Variants in ANKS3 observed in about 807,000 individuals in gnomAD.
ANKS3 encodes ankyrin repeat and sterile alpha motif domain containing 3, also known as ankyrin repeat and SAM domain-containing protein 3.
In ANKS3, 62 loss-of-function variants were observed where a neutral mutation model predicts 80.7. The ratio of observed to expected loss-of-function variants is 0.77; its 90% CI spans 0.63 to 0.95. The LOEUF is 0.95. Ranked by LOEUF, ANKS3 falls within the 40% of genes least tolerant of loss-of-function variation. The pLI is 0.00. For synonymous variants in ANKS3, 489 were observed against 355.3 expected (o/e 1.38, Z -4.23); for missense variants, 1,150 against 883.6 (o/e 1.30, Z -3.82).
intron 1 of ANKS3, among the ~76,000 whole-genome samples, chr16:4,731,986 C>T (rs1027452632): frequency 1.3e-5 from 2 of 152,132 alleles, no homozygotes; most frequent in Non-Finnish European, 2.9e-5. Context: ...CCTACAGGTG[C>T]TATGGTAGTT....
At chr16:4,700,668 T>C (rs779446343) in intron 11 of ANKS3, 33 of 483,272 alleles carry the variant, frequency 6.8e-5, no homozygotes, top group Non-Finnish European at 1.0e-4. Flanking sequence ...CTTGTCAGAC[T>C]CCTGCAGGCA....
intron 6 of ANKS3, among the ~76,000 whole-genome samples, chr16:4,724,234 G>C (rs1055244380): frequency 6.6e-6 from 1 of 152,280 alleles, no homozygotes. Context: ...GATTGTACAC[G>C]GAATACTGTA....
intron 6 of ANKS3, among the ~76,000 whole-genome samples, chr16:4,723,570 G>A (rs915774648): frequency 1.3e-5 from 2 of 152,170 alleles, no homozygotes; most frequent in African/African-American, 4.8e-5. Context: ...TTACCGGCGT[G>A]CGCCACCGCA....
chr16:4,704,718 C>A (rs564720137), intron 8 of ANKS3, among the ~76,000 whole-genome samples: 2 of 152,244 alleles, frequency 1.3e-5, no homozygotes, highest in Non-Finnish European at 2.9e-5. Context: ...CCCGACCCAG[C>A]TGGTATGGGC....
chr16:4,697,461 C>G, intron 15 of ANKS3, 45 bp from the exon 16 acceptor site: 1 of 1,450,202 alleles, frequency 6.9e-7, no homozygotes, highest in South Asian at 1.2e-5. Flanking sequence ...GGTCTGCGTC[C>G]CCACAGGCCC....
chr16:4,699,489 G>C (rs2079780344), intron 11 of ANKS3: 1 of 367,522 alleles, frequency 2.7e-6, no homozygotes, highest in East Asian at 5.4e-5. Context: ...TGCTTTGTAG[G>C]CGGAGAGCGC....
At position 4,714,031 on chromosome 16, in the gene ANKS3, C is replaced by A. The variant is rs746420614; in HGVS notation, c.709+20G>T. On this transcript the variant is annotated intron_variant, in intron 7 of 17. Transcript: ENST00000304283. ...GGCAACCAGAGACCCCAGCAGGGCG[C>A]GGCTGGCAGGTGTGGGTACCTGGGC... The A allele has an allele frequency of 1.2e-6, 2 of 1,613,126 alleles. No individual in the cohort carries two copies. Among genetic ancestry groups the A allele is most frequent in the Non-Finnish European group, 1.7e-6 (2 of 1,179,562 alleles).
intron 9 of ANKS3, 149 bp downstream of exon 9, chr16:4,701,953 A>C: frequency 9.9e-7 from 1 of 1,012,008 alleles, no homozygotes; most frequent in Non-Finnish European, 1.4e-6. Context: ...CATTCCTCAC[A>C]AGAACCAGGG....
intron 6 of ANKS3, among the ~76,000 whole-genome samples, 178 bp downstream of exon 6, chr16:4,724,572 T>C (rs2081261444): frequency 6.6e-6 from 1 of 152,236 alleles, no homozygotes; most frequent in Non-Finnish European, 1.5e-5. Context: ...CTCACCACTG[T>C]ATCCTTAATG....
At chr16:4,713,205 T>C (rs868384987) in intron 7 of ANKS3, among the ~76,000 whole-genome samples, 3 of 151,770 alleles carry the variant, frequency 2.0e-5, no homozygotes, top group African/African-American at 7.3e-5. Context: ...GAGGAAGAGG[T>C]TGCGGTGAGG....
chr16:4,721,034 G>A (rs1434926395), intron 6 of ANKS3, among the ~76,000 whole-genome samples: 2 of 149,634 alleles, frequency 1.3e-5, no homozygotes, highest in Admixed American at 6.7e-5. Context: ...GGCCAGGCAC[G>A]GTGGCTCACG....
At chr16:4,714,467 G>A (rs141343896) in intron 6 of ANKS3, among the ~76,000 whole-genome samples, 14 of 152,320 alleles carry the variant, frequency 9.2e-5, no homozygotes, top group African/African-American at 2.4e-4. Context: ...GCCACCATGC[G>A]GAGATCCCAG....
At chr16:4,700,882 C>A (rs979566435) in intron 11 of ANKS3, 88 bp downstream of exon 11, 2 of 1,529,440 alleles carry the variant, frequency 1.3e-6, no homozygotes, top group Admixed American at 1.7e-5. Context: ...CTAGCAGCGC[C>A]TGGCACGTCA....
rs900810949 is a variant in ANKS3 at position 4,721,488 on chromosome 16, G to C, written c.573+3262C>G. On this transcript the variant is annotated intron_variant, in intron 6 of 17. Transcript: ENST00000304283. ...TGGCTGGGCGTGGTGGCACGCACCTGTAATCCCAGCTACTTGGGAGGCTGA... is the reference window on the plus strand; with the variant it reads ...TGGCTGGGCGTGGTGGCACGCACCTCTAATCCCAGCTACTTGGGAGGCTGA... 1.1e-4 allele frequency among the ~76,000 whole-genome samples: 16 copies of C among 151,142 alleles called. 2 individuals carry two copies. The highest frequency in any genetic ancestry group is 2.1e-4 in the South Asian group (1 of 4,758).
rs1360268597 is a variant in ANKS3 at position 4,703,445 on chromosome 16, G to A, written c.869-1203C>T. 5.8e-5 allele frequency among the ~76,000 whole-genome samples: 8 copies of A among 138,558 alleles called. No individual in the cohort carries two copies. In the South Asian group the frequency reaches 1.4e-3, roughly 24 times the overall value. The allele number at this position is 138,558 out of a possible 152,430, so 90.9% of individuals were successfully genotyped here. On this transcript the variant is annotated intron_variant, in intron 8 of 17. Coordinates refer to ENST00000304283, the MANE Select transcript of ANKS3 (RefSeq NM_133450.4). ...AATTTTTTTTTTTTTTTTTTGAGACGGAGTCTTGCTCTGTCACCAGACTGG... is the reference window on the plus strand; with the variant it reads ...AATTTTTTTTTTTTTTTTTTGAGACAGAGTCTTGCTCTGTCACCAGACTGG...
In ANKS3 at chr16:4,704,200, C is replaced by A. The variant is rs569505187; in HGVS notation, c.868+895G>T. Among the ~76,000 whole-genome samples, 28 of 152,322 alleles carry A rather than the reference C, an allele frequency of 1.8e-4. 1 individual carries two copies. The South Asian group carries it at 5.8e-3, about 32-fold the overall frequency. On this transcript the variant is annotated intron_variant, in intron 8 of 17. Coordinates refer to ENST00000304283, the MANE Select transcript of ANKS3 (RefSeq NM_133450.4). ...GAAGGTGGGTCTCCAGTTCCCAACC[C>A]AGCACCCAGGCTTGGGAAGACAGAA...
At chr16:4,702,562 G>A (rs1003236414) in intron 8 of ANKS3, among the ~76,000 whole-genome samples, 26 of 152,136 alleles carry the variant, frequency 1.7e-4, no homozygotes, top group African/African-American at 5.8e-4. Context: ...TATACCATGA[G>A]TGTTCCTTTT....
intron 14 of ANKS3, 56 bp downstream of exon 14, chr16:4,698,370 AG>A: frequency 1.4e-6 from 2 of 1,435,186 alleles, no homozygotes; most frequent in African/African-American, 1.4e-5. Context: ...GTGGGGGCCC[AG>A]GGGCCAGGTG....
At chr16:4,728,480 G>A (rs1596459580) in intron 3 of ANKS3, among the ~76,000 whole-genome samples, 1 of 152,112 alleles carries the variant, frequency 6.6e-6, no homozygotes, top group South Asian at 2.1e-4. Context: ...TGGCCAGGGG[G>A]GCTGCATGGA....
Sources: allele counts gnomAD v4.1 joint callset (sites outside exome capture counted in the v4.1 genomes callset), GRCh38; gene constraint gnomAD v4.1.1; transcripts MANE v1.5; gene names NCBI Gene and HGNC (gene_info 2026-07-23, HGNC 2026-07-21).